Variants in TAOK3 observed in about 807,000 individuals in gnomAD.
TAOK3 encodes the protein serine/threonine-protein kinase TAO3.
TAOK3 carries 40 observed loss-of-function variants against 120.4 expected under a neutral mutation model. The ratio of observed to expected loss-of-function variants is 0.33; its 90% CI spans 0.26 to 0.43. The LOEUF is 0.43. Ranked by LOEUF, TAOK3 falls within the 20% of genes least tolerant of loss-of-function variation. The probability of loss-of-function intolerance (pLI) is 1.00; values close to 1 mark genes in which losing one functional copy is unlikely to be tolerated. For synonymous variants in TAOK3, 355 were observed against 387.5 expected, an observed-to-expected ratio of 0.92 and a Z score of 0.99; for missense variants, 821 against 1,112.1, an observed-to-expected ratio of 0.74 and a Z score of 3.72.
chr12:118,328,215 C>CATAAATAT, intron 1 of TAOK3, among the ~76,000 whole-genome samples: 1 of 152,108 alleles, frequency 6.6e-6, no homozygotes, highest in Non-Finnish European at 1.5e-5. Context: ...CACCCGCCAC[C>CATAAATAT]ACGCCTGGCT....
intron 1 of TAOK3, among the ~76,000 whole-genome samples, chr12:118,330,008 A>C (rs1054125249): frequency 1.1e-4 from 17 of 152,214 alleles, no homozygotes; most frequent in African/African-American, 4.1e-4. Context: ...CAACAACCCC[A>C]AAAATATGTG....
In TAOK3 at chr12:118,178,351, G is replaced by T. The variant is rs140677495; in HGVS notation, c.1567-1022C>A. On this transcript the variant is annotated intron_variant, in intron 15 of 20. Transcript: ENST00000392533. The stretch of plus-strand genomic sequence containing the variant: ...GTTGTAAAAATGTATAAATAACCAT[G>T]CCTGGCCAGTTTTATTCCAAGAATC... Among the ~76,000 whole-genome samples, 25 of 152,268 alleles carry T rather than the reference G, an allele frequency of 1.6e-4. No individual in the cohort carries two copies. In the East Asian group the frequency reaches 4.8e-3, roughly 29 times the overall value.
intron 1 of TAOK3, among the ~76,000 whole-genome samples, chr12:118,315,444 A>AC (rs201123195): frequency 0.2 from 30,630 of 152,066 alleles, 3,272 homozygotes; most frequent in African/African-American, 0.28. Context: ...GCAAATGTTA[A>AC]AACCCACAAA....
chr12:118,341,883 G>A (rs111949687), intron 1 of TAOK3, among the ~76,000 whole-genome samples: 7 of 152,242 alleles, frequency 4.6e-5, no homozygotes, highest in African/African-American at 9.6e-5. Context: ...AATTAACCAG[G>A]TGTGGTGGCA....
chr12:118,341,897 C>T (rs1166261066), intron 1 of TAOK3, among the ~76,000 whole-genome samples: 1 of 152,122 alleles, frequency 6.6e-6, no homozygotes. Flanking sequence ...GGTGGCACAC[C>T]TTGTAGTTCC....
intron 1 of TAOK3, among the ~76,000 whole-genome samples, chr12:118,331,572 G>C (rs1334024909): frequency 6.7e-6 from 1 of 149,700 alleles, no homozygotes; most frequent in Non-Finnish European, 1.5e-5. Flanking sequence ...TTGAACTGGG[G>C]AGGTGGAGGT....
At chr12:118,163,457 T>TG (rs2035359938) in intron 17 of TAOK3, among the ~76,000 whole-genome samples, 2 of 117,506 alleles carry the variant, frequency 1.7e-5, no homozygotes, top group African/African-American at 6.1e-5. Context: ...TTGGGGGGGG[T>TG]GGGGGTAGAG....
At chr12:118,192,732 T>C (rs977235895) in intron 13 of TAOK3, among the ~76,000 whole-genome samples, 7 of 152,232 alleles carry the variant, frequency 4.6e-5, no homozygotes, top group African/African-American at 1.7e-4. Flanking sequence ...AGTGCCTCTG[T>C]AAGAGACCAC....
At chr12:118,213,131 CTG>C (rs1281195696) in intron 10 of TAOK3, 136 bp from the exon 11 acceptor site, 2 of 487,742 alleles carry the variant, frequency 4.1e-6, no homozygotes, top group East Asian at 3.2e-5. Context: ...ATCAGGATAA[CTG>C]GAGCATTTTC....
chr12:118,315,875 A>G (rs1231033504), intron 1 of TAOK3, among the ~76,000 whole-genome samples: 3 of 152,216 alleles, frequency 2.0e-5, no homozygotes. Flanking sequence ...GAAAATTGAA[A>G]CAGATAGTAA....
intron 1 of TAOK3, among the ~76,000 whole-genome samples, chr12:118,361,431 A>C (rs780986549): frequency 2.0e-5 from 3 of 151,540 alleles, no homozygotes; most frequent in Non-Finnish European, 4.4e-5. Flanking sequence ...ACTCTTCCAA[A>C]CTATCATTTA....
intron 1 of TAOK3, among the ~76,000 whole-genome samples, chr12:118,327,178 A>G (rs1183182762): frequency 6.6e-6 from 1 of 152,204 alleles, no homozygotes; most frequent in Non-Finnish European, 1.5e-5. Context: ...TTTTAATAAT[A>G]AAAGCCACTA....
chr12:118,286,697 G>C (rs542721687), intron 1 of TAOK3, among the ~76,000 whole-genome samples: 65 of 152,280 alleles, frequency 4.3e-4, no homozygotes, highest in Middle Eastern at 3.4e-3. Context: ...ACTACCATTT[G>C]ATCCAGCAAT....
At chr12:118,274,221 C>A (rs2041827819) in intron 1 of TAOK3, among the ~76,000 whole-genome samples, 1 of 152,078 alleles carries the variant, frequency 6.6e-6, no homozygotes, top group Non-Finnish European at 1.5e-5. Context: ...GGTAAGAGAA[C>A]TGCTTTTAAG....
chr12:118,284,564 A>G (rs2042200109), intron 1 of TAOK3, among the ~76,000 whole-genome samples: 1 of 152,206 alleles, frequency 6.6e-6, no homozygotes, highest in Non-Finnish European at 1.5e-5. Flanking sequence ...GGAGAAAGAT[A>G]ATGACTGTTT....
At position 118,344,663 on chromosome 12, in the gene TAOK3, T is replaced by G. The variant is rs568588699; in HGVS notation, c.-194+27985A>C. On this transcript the variant is annotated intron_variant, in intron 1 of 20. Transcript: ENST00000392533. ...ATATTTGAAACGAATGGGAAAAATT[T>G]TGCAGAAGTAAAAAAAATAAATAAA... 3.9e-5 allele frequency among the ~76,000 whole-genome samples: 6 copies of G among 152,242 alleles called. No homozygotes were observed. In the East Asian group the frequency reaches 5.8e-4, roughly 15 times the overall value.
intron 1 of TAOK3, among the ~76,000 whole-genome samples, chr12:118,310,841 T>C (rs1253088688): frequency 3.9e-5 from 6 of 152,160 alleles, no homozygotes; most frequent in African/African-American, 7.2e-5. Flanking sequence ...GTAGTGTAGA[T>C]AGCCTTAATA....
rs1377474945 is a variant in TAOK3 at position 118,288,345 on chromosome 12, C to G, written c.-193-21586G>C. On this transcript the variant is annotated intron_variant, in intron 1 of 20. Coordinates refer to ENST00000392533, the MANE Select transcript of TAOK3 (RefSeq NM_016281.4). Reference sequence around the variant, plus strand: ...AATGTGACTGTATTTGGAGATAGGGCCTTTAGGACATAATTAAGGTTAAAT... The same window carrying G: ...AATGTGACTGTATTTGGAGATAGGGGCTTTAGGACATAATTAAGGTTAAAT... Among the ~76,000 whole-genome samples the G allele has an allele frequency of 2.0e-5, 3 of 151,882 alleles. 1 individual carries two copies. Among genetic ancestry groups the G allele is most frequent in the Admixed American group, 2.0e-4 (3 of 15,216 alleles).
intron 1 of TAOK3, among the ~76,000 whole-genome samples, chr12:118,299,869 C>T (rs940332061): frequency 6.6e-6 from 1 of 151,934 alleles, no homozygotes; most frequent in Admixed American, 6.6e-5. Context: ...TGGCTGACAT[C>T]TAGGAAAACA....
Sources: allele counts gnomAD v4.1 joint callset (sites outside exome capture counted in the v4.1 genomes callset), GRCh38; gene constraint gnomAD v4.1.1; transcripts MANE v1.5; gene names NCBI Gene and HGNC (gene_info 2026-07-23, HGNC 2026-07-21).